The following PTCD2 variants were observed in gnomAD, a reference collection of about 807,000 sequenced individuals.
PTCD2 encodes pentatricopeptide repeat domain 2, also known as pentatricopeptide repeat-containing protein 2, mitochondrial.
PTCD2 carries 31 observed loss-of-function variants against 42.6 expected under a neutral mutation model. That is an observed-to-expected ratio of 0.73 (90% CI 0.55 to 0.98). PTCD2 has a LOEUF of 0.98. Ranked by LOEUF, PTCD2 falls within the 50% of genes least tolerant of loss-of-function variation. The pLI is 0.00. For missense variants in PTCD2, 476 were observed against 454.8 expected (o/e 1.05, Z -0.42); for synonymous variants, 183 against 170.9 (o/e 1.07, Z -0.55).
intron 9 of PTCD2, among the ~76,000 whole-genome samples, chr5:72,357,842 C>A (rs908206045): frequency 6.6e-6 from 1 of 150,702 alleles, no homozygotes; most frequent in Admixed American, 6.6e-5. Flanking sequence ...TAGGTGTATA[C>A]CATACTTTTT....
At chr5:72,332,313 A>G (rs1301186217) in intron 4 of PTCD2, among the ~76,000 whole-genome samples, 1 of 152,158 alleles carries the variant, frequency 6.6e-6, no homozygotes, top group African/African-American at 2.4e-5. Context: ...CCCATAATAT[A>G]TTAGTAAGCA....
chr5:72,358,355 G>A lies in PTCD2; in HGVS notation c.1095G>A (p.Thr365=), dbSNP rs754223635. Residue 365 remains threonine, a synonymous_variant, in exon 10 of 10, where the codon ACG becomes ACA. Transcript: ENST00000380639. ...CCCCCAGGGACAGGAAATCTCACAC[G>A]TTGCTATTAAACAAGAGGATGGTCA... ...CHTPRDRKSH[T]LLLNKRMVSR... 1.5e-5 allele frequency: 25 copies of A among 1,613,868 alleles called. No individual in the cohort carries two copies. The highest frequency in any genetic ancestry group is 2.2e-5 in the South Asian group (2 of 91,078).
In PTCD2 at chr5:72,365,598, G is replaced by T. The variant is rs1753185956; in HGVS notation, c.*7171G>T. 1 of 152,178 alleles carries T rather than the reference G, an allele frequency of 6.6e-6. No homozygotes were observed. The highest frequency in any genetic ancestry group is 1.5e-5 in the Non-Finnish European group (1 of 68,040). The allele number at this position is 152,178 out of a possible 1,614,324, so 9.4% of individuals were successfully genotyped here. A position where few individuals can be genotyped will look rare whatever the true frequency, so the allele number is the denominator to read the frequency against. On this transcript the variant is annotated 3_prime_UTR_variant, in exon 10 of 10. Coordinates refer to ENST00000380639, the MANE Select transcript of PTCD2 (RefSeq NM_024754.5). The stretch of plus-strand genomic sequence containing the variant: ...ACCGCATCCCAGGGAGACTCATGTA[G>T]CCATGAAGACTGAAGAGGATTAAGT...
chr5:72,351,799 G>A (rs1191640338), intron 8 of PTCD2, among the ~76,000 whole-genome samples: 1 of 152,180 alleles, frequency 6.6e-6, no homozygotes, highest in Middle Eastern at 3.4e-3. Flanking sequence ...ATTATCATTC[G>A]AGATGAAATT....
At chr5:72,334,796 G>C (rs1017026599) in intron 4 of PTCD2, among the ~76,000 whole-genome samples, 26 of 152,108 alleles carry the variant, frequency 1.7e-4, no homozygotes, top group Non-Finnish European at 3.5e-4. Flanking sequence ...TGATCCACCT[G>C]CCTTGGGCTC....
intron 3 of PTCD2, among the ~76,000 whole-genome samples, chr5:72,329,251 G>T (rs1416613867): frequency 6.6e-6 from 1 of 152,214 alleles, no homozygotes; most frequent in Non-Finnish European, 1.5e-5. Context: ...AGCCGGACAA[G>T]TGGAAAGATG....
Position 72,352,715 on chromosome 5 carries a change from A to G in PTCD2, c.903A>G (p.Leu301=). The G allele has an allele frequency of 6.2e-7, 1 of 1,603,782 alleles. No individual in the cohort carries two copies. ...KTLKNAAEGN[L]SKFVKRHVFS... Reference sequence around the variant, plus strand: ...TAAAAAATGCTGCAGAAGGAAATTTATCAAAATTTGTGAAAAGACATGTGT... The same window carrying G: ...TAAAAAATGCTGCAGAAGGAAATTTGTCAAAATTTGTGAAAAGACATGTGT... The change falls in exon 9 of 10, where the codon TTA becomes TTG. Residue 301 remains leucine (L), a synonymous_variant. Transcript: ENST00000380639.
Position 72,335,031 on chromosome 5 carries a change from T to G in PTCD2, c.482T>G (p.Phe161Cys). The change falls in exon 5 of 10, where the codon TTC (phenylalanine) becomes TGC (cysteine). Residue 161 changes from phenylalanine to cysteine, a missense_variant. Physicochemically the swap from Phe to Cys is radical, Grantham distance 205. Transcript: ENST00000380639. ...CTTCTTCGTTAGCATTTACGAGGTTTCTTCTCAGACTCCACATCATTCAAT... is the reference window on the plus strand; with the variant it reads ...CTTCTTCGTTAGCATTTACGAGGTTGCTTCTCAGACTCCACATCATTCAAT... ...ELMKDQHLRG[F>C]FSDSTSFNIL... 1 of 1,595,668 alleles carries G rather than the reference T, an allele frequency of 6.3e-7. No homozygotes were observed. The highest frequency in any genetic ancestry group is 8.6e-7 in the Non-Finnish European group (1 of 1,163,718).
chr5:72,320,793 G>T, intron 1 of PTCD2: 1 of 411,504 alleles, frequency 2.4e-6, no homozygotes, highest in Non-Finnish European at 4.4e-6. Context: ...CCCGCCTTGG[G>T]TGACTTTTAT....
chr5:72,352,526 G>T (rs1490898384), intron 8 of PTCD2, 115 bp from the exon 9 acceptor site: 1 of 530,384 alleles, frequency 1.9e-6, no homozygotes, highest in African/African-American at 2.0e-5. Context: ...AAATTAGGAA[G>T]TAGGATCAAA....
chr5:72,320,484 T>C lies in PTCD2; in HGVS notation c.102T>C (p.Ser34=), dbSNP rs1468662554. ...ATCCTGGGGTGGGAGGCTCCGGCTCTGTCAGCTGCCGCTGCCCTCTCGGAG... is the reference window on the plus strand; with the variant it reads ...ATCCTGGGGTGGGAGGCTCCGGCTCCGTCAGCTGCCGCTGCCCTCTCGGAG... The part of the protein sequence containing the change: ...LVYPGVGGSG[S]VSCRCPLGAK... Residue 34 remains serine, a synonymous_variant, in exon 1 of 10, where the codon TCT becomes TCC. Transcript: ENST00000380639. 6.2e-7 allele frequency: 1 copy of C among 1,614,072 alleles called. No homozygotes were observed. The highest frequency in any genetic ancestry group is 2.2e-5 in the East Asian group (1 of 44,848).
intron 3 of PTCD2, among the ~76,000 whole-genome samples, chr5:72,327,964 T>C (rs760059696): frequency 1.8e-4 from 28 of 152,260 alleles, no homozygotes; most frequent in Non-Finnish European, 3.5e-4. Flanking sequence ...TTTCTCAAAC[T>C]TGTCTACAGT....
At chr5:72,322,490 A>G (rs1750915014) in intron 2 of PTCD2, among the ~76,000 whole-genome samples, 3 of 152,234 alleles carry the variant, frequency 2.0e-5, no homozygotes, top group Non-Finnish European at 4.4e-5. Flanking sequence ...ATCCCAGAGA[A>G]GTATTAAAGC....
intron 9 of PTCD2, among the ~76,000 whole-genome samples, chr5:72,355,010 G>A (rs1343462870): frequency 2.0e-5 from 3 of 152,146 alleles, no homozygotes; most frequent in African/African-American, 4.8e-5. Context: ...TTAAGAAGGC[G>A]GGACCATATA....
At chr5:72,345,378 AAC>A (rs1223332621) in intron 8 of PTCD2, among the ~76,000 whole-genome samples, 5 of 152,204 alleles carry the variant, frequency 3.3e-5, no homozygotes, top group Non-Finnish European at 7.4e-5. Context: ...ATATTGTTCA[AAC>A]ACACATGCTC....
intron 8 of PTCD2, among the ~76,000 whole-genome samples, chr5:72,350,181 G>A (rs1314130088): frequency 2.6e-5 from 4 of 152,208 alleles, no homozygotes; most frequent in African/African-American, 9.6e-5. Context: ...ATTAACAAAG[G>A]TGTTAAGAAC....
chr5:72,347,451 T>G lies in PTCD2; in HGVS notation c.828+4415T>G, dbSNP rs1752413802. Among the ~76,000 whole-genome samples the G allele has an allele frequency of 2.0e-5, 3 of 152,244 alleles. No homozygotes were observed. In the South Asian group the frequency reaches 6.2e-4, roughly 32 times the overall value. ...CTGTAATCTCAGCACTTTGGAAGGC[T>G]GAGGTGGGTGGATTATTTGAAGTCA... is the stretch of plus-strand genomic sequence containing the variant. On this transcript the variant is annotated intron_variant, in intron 8 of 9. Coordinates refer to ENST00000380639, the MANE Select transcript of PTCD2 (RefSeq NM_024754.5).
chr5:72,335,774 C>T lies in PTCD2; in HGVS notation c.548-20C>T. The stretch of plus-strand genomic sequence containing the variant: ...AGTAGAGGAACTCTAACACTGCGAT[C>T]CACTCTTCACTTTTGGCAGGTGCTT... On this transcript the variant is annotated intron_variant, in intron 5 of 9. Coordinates refer to ENST00000380639, the MANE Select transcript of PTCD2 (RefSeq NM_024754.5). The T allele has an allele frequency of 6.4e-7, 1 of 1,559,586 alleles. No homozygotes were observed. The highest frequency in any genetic ancestry group is 8.8e-7 in the Non-Finnish European group (1 of 1,130,384).
intron 7 of PTCD2, among the ~76,000 whole-genome samples, chr5:72,340,298 T>A (rs1174043593): frequency 6.6e-6 from 1 of 152,218 alleles, no homozygotes; most frequent in African/African-American, 2.4e-5. Context: ...CTTATTTTCT[T>A]CCTCCCCCAT....
Sources: allele counts gnomAD v4.1 joint callset (sites outside exome capture counted in the v4.1 genomes callset), GRCh38; gene constraint gnomAD v4.1.1; transcripts MANE v1.5; gene names NCBI Gene and HGNC (gene_info 2026-07-23, HGNC 2026-07-21).